Variants in RAB11B observed in about 807,000 individuals in gnomAD.
The protein encoded by RAB11B is RAB11B, member RAS oncogene family.
RAB11B carries 7 observed loss-of-function variants against 23.7 expected under a neutral mutation model. That is an observed-to-expected ratio of 0.29 (90% CI 0.17 to 0.55). The LOEUF (loss-of-function observed/expected upper bound fraction) is 0.55, where lower values mean the gene tolerates loss of function less well. RAB11B is among the 20% of genes least tolerant of loss of function. The pLI, the probability that RAB11B is intolerant of heterozygous loss-of-function variation, is 0.93. For missense variants in RAB11B, 189 were observed against 320.0 expected, an observed-to-expected ratio of 0.59 and a Z score of 3.12; for synonymous variants, 138 against 132.0, an observed-to-expected ratio of 1.05 and a Z score of -0.31.
chr19:8,393,067 C>T lies in RAB11B; in HGVS notation c.40+2611C>T, dbSNP rs567755150. On this transcript the variant is annotated intron_variant, in intron 1 of 4. Transcript: ENST00000328024. ...CAGCGGCCAAGGCCAGCAGATCCCC[C>T]GGGTGATGCCCCGTGTGCCATTTGT... is the stretch of plus-strand genomic sequence containing the variant. Among the ~76,000 whole-genome samples the T allele has an allele frequency of 3.7e-4, 56 of 152,004 alleles. No individual in the cohort carries two copies. In the Middle Eastern group the frequency reaches 0.014, roughly 37 times the overall value.
At chr19:8,400,622 T>G (rs1457325954) in intron 2 of RAB11B, among the ~76,000 whole-genome samples, 1 of 151,676 alleles carries the variant, frequency 6.6e-6, no homozygotes, top group East Asian at 1.9e-4. Context: ...GTTTCACTCT[T>G]GTCGCCCAGG....
rs146441155 is a variant in RAB11B, at chr19:8,401,281, C to T, written c.237-805C>T. Among the ~76,000 whole-genome samples the T allele has an allele frequency of 2.1e-3, 322 of 151,286 alleles. 1 individual carries two copies. The highest frequency in any genetic ancestry group is 6.7e-3 in the African/African-American group (276 of 41,182). Reference sequence around the variant, plus strand: ...ATTTTTAGTAGAGATGGGGTTTCACCGCATTAGCCAGGATGGTCTCGATCT... The same window carrying T: ...ATTTTTAGTAGAGATGGGGTTTCACTGCATTAGCCAGGATGGTCTCGATCT... On this transcript the variant is annotated intron_variant, in intron 2 of 4. Coordinates refer to ENST00000328024, the MANE Select transcript of RAB11B (RefSeq NM_004218.4).
rs370209262 is a variant in RAB11B, at chr19:8,403,589, G to T, written c.*31G>T. The stretch of plus-strand genomic sequence containing the variant: ...GCGCCTCCACCCAGCGTGCGTGCAC[G>T]TCCTCCGCCCGCCCCCGCCACGGTA... On this transcript the variant is annotated 3_prime_UTR_variant, in exon 5 of 5. Coordinates refer to ENST00000328024, the MANE Select transcript of RAB11B (RefSeq NM_004218.4). 1.3e-6 allele frequency: 2 copies of T among 1,588,774 alleles called. No individual in the cohort carries two copies. The highest frequency in any genetic ancestry group is 1.7e-6 in the Non-Finnish European group (2 of 1,163,804).
rs570574162 is a variant in RAB11B, at chr19:8,403,959, C to G, written c.*401C>G. The stretch of plus-strand genomic sequence containing the variant: ...CCAGCCCGTCGTCCCCACCCAGAAC[C>G]GTGCTCTGGGCCAAAGCCCGAAGAA... On this transcript the variant is annotated 3_prime_UTR_variant, in exon 5 of 5. Coordinates refer to ENST00000328024, the MANE Select transcript of RAB11B (RefSeq NM_004218.4). The G allele has an allele frequency of 1.2e-5, 2 of 171,952 alleles. No homozygotes were observed. The highest frequency in any genetic ancestry group is 2.8e-4 in the South Asian group (2 of 7,098). The allele number at this position is 171,952 out of a possible 1,614,324, so 10.7% of individuals were successfully genotyped here. A position where few individuals can be genotyped will look rare whatever the true frequency, so the allele number is the denominator to read the frequency against.
chr19:8,394,872 G>A (rs991584137), intron 1 of RAB11B, among the ~76,000 whole-genome samples: 2 of 152,252 alleles, frequency 1.3e-5, no homozygotes, highest in Non-Finnish European at 2.9e-5. Context: ...GGAGAGTACA[G>A]TGAGCTGAGA....
chr19:8,391,088 A>G (rs1971348366), intron 1 of RAB11B, among the ~76,000 whole-genome samples: 1 of 152,134 alleles, frequency 6.6e-6, no homozygotes, highest in African/African-American at 2.4e-5. Context: ...CAAGAATTCC[A>G]TCTCTTCACT....
At position 8,400,099 on chromosome 19, in the gene RAB11B, GGCGTGGGCTTGCAGC is replaced by G. The variant is rs750754562; in HGVS notation, c.236+53_236+67del. ...CTGGGCAGGGACGCTGAGATTCGGG[GGCGTGGGCTTGCAGC>G]GCGTGGGCTTGGAAGGATGTGTAGG... is the stretch of plus-strand genomic sequence containing the variant. On this transcript the variant is annotated intron_variant, in intron 2 of 4. Transcript: ENST00000328024. 1.7e-5 allele frequency: 27 copies of G among 1,597,186 alleles called. No homozygotes were observed. The East Asian group carries it at 4.7e-4, about 28-fold the overall frequency.
At chr19:8,402,615 G>A in intron 4 of RAB11B, 50 bp downstream of exon 4, 2 of 1,376,724 alleles carry the variant, frequency 1.5e-6, no homozygotes. Flanking sequence ...AGGCAGGGTG[G>A]AACACGGCCT....
At chr19:8,392,031 A>G (rs1251060808) in intron 1 of RAB11B, among the ~76,000 whole-genome samples, 2 of 151,318 alleles carry the variant, frequency 1.3e-5, no homozygotes, top group African/African-American at 4.9e-5. Context: ...AGGGTTTTGG[A>G]GACTGGGATT....
intron 2 of RAB11B, among the ~76,000 whole-genome samples, chr19:8,401,427 G>T (rs1320915014): frequency 6.7e-6 from 1 of 150,082 alleles, no homozygotes; most frequent in Admixed American, 6.7e-5. Flanking sequence ...CATCCAGACT[G>T]AAGTGCAGTG....
rs756094807 is a variant in RAB11B at position 8,403,513 on chromosome 19, G to A, written c.612G>A (p.Thr204=). 37 of 1,613,766 alleles carry A rather than the reference G, an allele frequency of 2.3e-5. No individual in the cohort carries two copies. The highest frequency in any genetic ancestry group is 8.8e-5 in the South Asian group (8 of 91,076). Residue 204 remains threonine, a synonymous_variant, in exon 5 of 5, where the codon ACG becomes ACA. Transcript: ENST00000328024. ...NVVDISVPPT[T]DGQKPNKLQC... ...TGGACATCAGCGTGCCGCCCACCAC[G>A]GACGGACAGAAGCCCAACAAGCTGC...
intron 1 of RAB11B, among the ~76,000 whole-genome samples, chr19:8,398,096 C>T (rs1971410385): frequency 6.6e-6 from 1 of 152,162 alleles, no homozygotes; most frequent in Non-Finnish European, 1.5e-5. Context: ...ACCCCAGAGC[C>T]TGGGGCGGCT....
chr19:8,398,570 G>A (rs927926513), intron 1 of RAB11B, among the ~76,000 whole-genome samples: 3 of 152,154 alleles, frequency 2.0e-5, no homozygotes, highest in Non-Finnish European at 2.9e-5. Flanking sequence ...TCTTTCCTCC[G>A]GGCTGCGTCC....
At chr19:8,400,590 GTT>G (rs71175848) in intron 2 of RAB11B, among the ~76,000 whole-genome samples, 44 of 140,612 alleles carry the variant, frequency 3.1e-4, no homozygotes, top group Admixed American at 4.9e-4. Flanking sequence ...ACCTCCTCTT[GTT>G]TTTTTTTTTT....
rs1480997766 is a variant in RAB11B, at chr19:8,402,676, C to T, written c.511+111C>T. 1.3e-5 allele frequency: 10 copies of T among 786,340 alleles called. 1 individual carries two copies. The highest frequency in any genetic ancestry group is 6.8e-5 in the South Asian group (4 of 58,484). 48.7% of individuals were successfully genotyped at this position (786,340 alleles called of 1,614,324 possible). A position where few individuals can be genotyped will look rare whatever the true frequency, so the allele number is the denominator to read the frequency against. ...TTGCTTGTTTTTTTCTTTTTTTTGT[C>T]GGGGCAGGATGGATTTTTGCTCTTT... On this transcript the variant is annotated intron_variant, in intron 4 of 4. Transcript: ENST00000328024.
chr19:8,398,725 C>T (rs994224270), intron 1 of RAB11B, among the ~76,000 whole-genome samples: 18 of 152,128 alleles, frequency 1.2e-4, no homozygotes, highest in Non-Finnish European at 2.4e-4. Context: ...CTTCCCATGC[C>T]CTGACCAGAA....
At position 8,403,578 on chromosome 19, in the gene RAB11B, C is replaced by A. The variant is rs1426119549; in HGVS notation, c.*20C>A. 1 of 1,601,072 alleles carries A rather than the reference C, an allele frequency of 6.2e-7. No homozygotes were observed. ...CTGTGACCCCTGCGCCTCCACCCAG[C>A]GTGCGTGCACGTCCTCCGCCCGCCC... On this transcript the variant is annotated 3_prime_UTR_variant, in exon 5 of 5. Coordinates refer to ENST00000328024, the MANE Select transcript of RAB11B (RefSeq NM_004218.4).
chr19:8,391,184 G>C (rs1018129385), intron 1 of RAB11B, among the ~76,000 whole-genome samples: 2 of 152,216 alleles, frequency 1.3e-5, no homozygotes, highest in African/African-American at 4.8e-5. Flanking sequence ...GCAGCCCTTT[G>C]AGGTTGATAC....
chr19:8,399,760 T>C (rs1354228006), intron 1 of RAB11B, 103 bp from the exon 2 acceptor site: 1 of 1,336,606 alleles, frequency 7.5e-7, no homozygotes, highest in East Asian at 2.4e-5. Flanking sequence ...CTCCACACCG[T>C]TGGCAGCCGC....
Sources: allele counts gnomAD v4.1 joint callset (sites outside exome capture counted in the v4.1 genomes callset), GRCh38; gene constraint gnomAD v4.1.1; transcripts MANE v1.5; gene names NCBI Gene and HGNC (gene_info 2026-07-23, HGNC 2026-07-21).